ITSN2: variants seen among roughly 807,000 people sequenced by gnomAD.
ITSN2 encodes the protein intersectin 2, also known as intersectin-2.
ITSN2 carries 156 observed loss-of-function variants against 243.7 expected under a neutral mutation model. The ratio of observed to expected loss-of-function variants is 0.64; its 90% CI spans 0.56 to 0.73. The LOEUF (loss-of-function observed/expected upper bound fraction) is 0.73, where lower values mean the gene tolerates loss of function less well. Among genes scored for constraint, ITSN2 ranks in the 30% least tolerant of loss-of-function variants. The probability of loss-of-function intolerance (pLI) is 0.00; values close to 1 mark genes in which losing one functional copy is unlikely to be tolerated. For missense variants in ITSN2, 1,801 were observed against 1,996.1 expected, an observed-to-expected ratio of 0.90 and a Z score of 1.86; for synonymous variants, 703 against 699.9, an observed-to-expected ratio of 1.00 and a Z score of -0.07.
chr2:24,317,011 C>G (rs1371746466), intron 2 of ITSN2, among the ~76,000 whole-genome samples: 1 of 152,196 alleles, frequency 6.6e-6, no homozygotes, highest in Non-Finnish European at 1.5e-5. Flanking sequence ...ACCTGAAAAG[C>G]CTTGTTTGTC....
chr2:24,305,956 G>A (rs1257996001), intron 8 of ITSN2, among the ~76,000 whole-genome samples: 4 of 152,162 alleles, frequency 2.6e-5, no homozygotes, highest in East Asian at 1.9e-4. Flanking sequence ...TATACAAAGC[G>A]TACTACTCTT....
intron 1 of ITSN2, among the ~76,000 whole-genome samples, chr2:24,332,228 G>A (rs1331086867): frequency 6.6e-6 from 1 of 152,004 alleles, no homozygotes; most frequent in Non-Finnish European, 1.5e-5. Context: ...GGCAACAAGG[G>A]CAAAACTCCG....
Position 24,257,987 on chromosome 2 carries a change from T to G in ITSN2, c.2789A>C (p.Gln930Pro). 3 of 1,614,106 alleles carry G rather than the reference T, an allele frequency of 1.9e-6. No individual in the cohort carries two copies. In the South Asian group the frequency reaches 3.3e-5, roughly 18 times the overall value. ...SKHDIITVLE[Q>P]QENWWFGEVH... ...CTCCCCAAACCACCAATTTTCTTGC[T>G]GCTCCAAGACAGTAATAATGTCATG... The change falls in exon 23 of 40, where the codon CAG becomes CCG. Residue 930 changes from glutamine (Q) to proline (P), a missense_variant. Physicochemically the swap from Gln to Pro is moderately conservative, Grantham distance 76. This residue lies in a region of ITSN2 where 928 missense variants were observed against 1,065.4 expected (regional missense o/e 0.87). Transcript: ENST00000355123.
intron 29 of ITSN2, among the ~76,000 whole-genome samples, chr2:24,232,981 C>CT: frequency 6.6e-6 from 1 of 152,246 alleles, no homozygotes; most frequent in Admixed American, 6.5e-5. Context: ...TACTCTAACT[C>CT]TTTTTTATGT....
chr2:24,203,937 G>T, intron 39 of ITSN2, 154 bp from the exon 40 acceptor site: 1 of 734,054 alleles, frequency 1.4e-6, no homozygotes, highest in South Asian at 1.9e-5. Context: ...TGGGTGTGTG[G>T]GGAATGATGG....
intron 1 of ITSN2, among the ~76,000 whole-genome samples, chr2:24,347,896 A>AC (rs1038610114): frequency 5.9e-5 from 9 of 152,038 alleles, no homozygotes; most frequent in African/African-American, 1.4e-4. Flanking sequence ...ACATAGTGAG[A>AC]CCCCATCTCT....
At chr2:24,271,627 C>A (rs1216724725) in intron 19 of ITSN2, 139 bp downstream of exon 19, 5 of 1,083,898 alleles carry the variant, frequency 4.6e-6, no homozygotes, top group Non-Finnish European at 6.1e-6. Flanking sequence ...TGCTTTTTAT[C>A]CAAGTTTAAT....
At chr2:24,273,514 C>T (rs1677635767) in intron 18 of ITSN2, 1 of 152,016 alleles carries the variant, frequency 6.6e-6, no homozygotes, top group African/African-American at 2.4e-5. Flanking sequence ...TTTAGCACAA[C>T]AAAAAAACCA....
chr2:24,254,149 T>C (rs964819108), intron 24 of ITSN2, among the ~76,000 whole-genome samples: 6 of 152,226 alleles, frequency 3.9e-5, no homozygotes, highest in African/African-American at 1.4e-4. Context: ...TAGCACTGCC[T>C]TTCTAAAGTG....
intron 29 of ITSN2, among the ~76,000 whole-genome samples, chr2:24,224,692 G>A (rs908112941): frequency 5.0e-4 from 76 of 151,974 alleles, no homozygotes; most frequent in Non-Finnish European, 9.6e-4. Context: ...GGAGTGCAGC[G>A]GCGCGATCTC....
rs774713505 is a variant in ITSN2 at position 24,204,550 on chromosome 2, T to C, written c.4763-132A>G. 24 of 787,502 alleles carry C rather than the reference T, an allele frequency of 3.0e-5. No individual in the cohort carries two copies. Among genetic ancestry groups the C allele is most frequent in the African/African-American group, 2.0e-4 (12 of 59,230 alleles). 48.8% of individuals were successfully genotyped at this position (787,502 alleles called of 1,614,324 possible). On this transcript the variant is annotated intron_variant, in intron 38 of 39. Coordinates refer to ENST00000355123, the MANE Select transcript of ITSN2 (RefSeq NM_006277.3). The surrounding 1 kb of genome is among the most constrained non-coding windows in gnomAD (Gnocchi z 5.1). Reference sequence around the variant, plus strand: ...GACCATGGCAGCAGGAGCCGCTGCCTGGGGCACCATATCCCTGTGGTCTAG... The same window carrying C: ...GACCATGGCAGCAGGAGCCGCTGCCCGGGGCACCATATCCCTGTGGTCTAG...
chr2:24,346,208 T>G (rs990121568), intron 1 of ITSN2, among the ~76,000 whole-genome samples: 1 of 152,166 alleles, frequency 6.6e-6, no homozygotes, highest in Admixed American at 6.5e-5. Context: ...CAAACACTAC[T>G]TTAGCCAGCT....
At chr2:24,245,380 G>A (rs1017838535) in intron 29 of ITSN2, among the ~76,000 whole-genome samples, 5 of 152,092 alleles carry the variant, frequency 3.3e-5, no homozygotes, top group Admixed American at 3.3e-4. Flanking sequence ...TGGATGATAT[G>A]TAAACAGCGA....
In ITSN2 at chr2:24,291,414, C is replaced by T. The variant is rs570596913; in HGVS notation, c.1723+2274G>A. 7.2e-5 allele frequency among the ~76,000 whole-genome samples: 11 copies of T among 152,244 alleles called. No individual in the cohort carries two copies. In the South Asian group the frequency reaches 2.3e-3, roughly 32 times the overall value. On this transcript the variant is annotated intron_variant, in intron 15 of 39. Transcript: ENST00000355123. ...AAAGTGCTGGGATTACAGGCATGAGCCACAGTGTCCAGCCTATTCAGGAAT... is the reference window on the plus strand; with the variant it reads ...AAAGTGCTGGGATTACAGGCATGAGTCACAGTGTCCAGCCTATTCAGGAAT...
At chr2:24,344,933 T>C (rs538003943) in intron 1 of ITSN2, among the ~76,000 whole-genome samples, 43 of 152,214 alleles carry the variant, frequency 2.8e-4, no homozygotes, top group African/African-American at 8.2e-4. Flanking sequence ...GCCTGGATAA[T>C]AGAGTGAGAC....
chr2:24,213,492 C>T (rs1483474781), intron 32 of ITSN2, among the ~76,000 whole-genome samples: 3 of 152,160 alleles, frequency 2.0e-5, no homozygotes, highest in African/African-American at 4.8e-5. Flanking sequence ...TTAAATTGCC[C>T]CCCTTTTGTT....
intron 20 of ITSN2, among the ~76,000 whole-genome samples, chr2:24,269,882 T>C (rs1677130212): frequency 6.6e-6 from 1 of 152,150 alleles, no homozygotes; most frequent in African/African-American, 2.4e-5. Context: ...CTTGGGCTGG[T>C]TGTAGAACAA....
rs904891702 is a variant in ITSN2, at chr2:24,205,301, C to CA, written c.4679-5dup. On this transcript the variant is annotated splice_region_variant and splice_polypyrimidine_tract_variant and intron_variant, in intron 37 of 39. Coordinates refer to ENST00000355123, the MANE Select transcript of ITSN2 (RefSeq NM_006277.3). ...CCTGAAGTCTTTTGGGAGCGGGCTA[C>CA]AAAAGAGGAAGACAAGTCTCATTAA... is the stretch of plus-strand genomic sequence containing the variant. The CA allele has an allele frequency of 7.4e-6, 12 of 1,612,664 alleles. No individual in the cohort carries two copies. The Admixed American group carries it at 8.3e-5, about 11-fold the overall frequency.
In ITSN2 at chr2:24,311,121, C is replaced by A. The variant is rs984522607; in HGVS notation, c.353-429G>T. Among the ~76,000 whole-genome samples the A allele has an allele frequency of 7.8e-4, 118 of 151,940 alleles. 3 individuals carry two copies. The highest frequency in any genetic ancestry group is 3.2e-3 in the Middle Eastern group (1 of 316). On this transcript the variant is annotated intron_variant, in intron 5 of 39. Transcript: ENST00000355123. The stretch of plus-strand genomic sequence containing the variant: ...CTCTCTCTCTCTCACATACTCCCCC[C>A]AAACAAAAAGGTTCTAAGTAGTAGA...
Sources: gnomAD v4.1 joint callset for allele counts (sites outside exome capture counted in the v4.1 genomes callset) on GRCh38, gnomAD v4.1.1 for gene constraint, gnomAD v4.1.1 regional missense constraint, Gnocchi (gnomAD v3.1) non-coding constraint, MANE v1.5 for transcripts, NCBI Gene and HGNC (gene_info 2026-07-23, HGNC 2026-07-21) for gene names.